Variants in QSER1 observed in about 807,000 individuals in gnomAD.
QSER1 encodes glutamine and serine-rich protein 1.
QSER1 carries 49 observed loss-of-function variants against 158.5 expected under a neutral mutation model. The ratio of observed to expected loss-of-function variants is 0.31; its 90% CI spans 0.25 to 0.39. The LOEUF (loss-of-function observed/expected upper bound fraction) is 0.39, where lower values mean the gene tolerates loss of function less well. Among genes scored for constraint, QSER1 ranks in the 10% least tolerant of loss-of-function variants. The probability of loss-of-function intolerance (pLI) is 1.00; values close to 1 mark genes in which losing one functional copy is unlikely to be tolerated. For missense variants in QSER1, 1,754 were observed against 2,010.3 expected (o/e 0.87, Z 2.44); for synonymous variants, 650 against 715.5 (o/e 0.91, Z 1.46).
intron 9 of QSER1, among the ~76,000 whole-genome samples, chr11:32,968,411 ACTTTT>A (rs1852788517): frequency 6.6e-6 from 1 of 152,240 alleles, no homozygotes; most frequent in South Asian, 2.1e-4. Context: ...TTCTAAAAGT[ACTTTT>A]CTTAATGGAG....
intron 1 of QSER1, among the ~76,000 whole-genome samples, chr11:32,895,639 T>C (rs1851544952): frequency 6.6e-6 from 1 of 152,248 alleles, no homozygotes; most frequent in Non-Finnish European, 1.5e-5. Flanking sequence ...CTAGTTGTGA[T>C]GATGTAATAT....
intron 4 of QSER1, among the ~76,000 whole-genome samples, chr11:32,938,977 T>C (rs755744431): frequency 1.2e-4 from 18 of 152,172 alleles, no homozygotes; most frequent in Non-Finnish European, 1.8e-4. Flanking sequence ...CCATCCCTAG[T>C]TTTGAATCCT....
At chr11:32,916,894 C>G (rs528146753) in intron 1 of QSER1, among the ~76,000 whole-genome samples, 1 of 152,006 alleles carries the variant, frequency 6.6e-6, no homozygotes, top group African/African-American at 2.4e-5. Context: ...TCAAGCGATT[C>G]TCCTGCCTCA....
rs888773283 is a variant in QSER1, at chr11:32,933,362, C to G, written c.2104C>G (p.Gln702Glu). The G allele has an allele frequency of 1.2e-6, 2 of 1,613,096 alleles. No individual in the cohort carries two copies. Among genetic ancestry groups the G allele is most frequent in the Non-Finnish European group, 1.7e-6 (2 of 1,179,710 alleles). Reference sequence around the variant, plus strand: ...TCCAATGCAAGAGTTACAGGTGTTGCAGCCACAAGCATCTCTTGAGTCATC... The same window carrying G: ...TCCAATGCAAGAGTTACAGGTGTTGGAGCCACAAGCATCTCTTGAGTCATC... ...GFPMQELQVL[Q>E]PQASLESSTQ... The change falls in exon 4 of 13, where the codon CAG becomes GAG. Residue 702 changes from glutamine (Q) to glutamate (E), a missense_variant. By Grantham distance (29) the Gln-to-Glu change is conservative. This residue lies in a region of QSER1 where 1,707 missense variants were observed against 1,919.6 expected (regional missense o/e 0.89). Transcript: ENST00000650167.
chr11:32,968,274 T>G (rs1852785716), intron 9 of QSER1, among the ~76,000 whole-genome samples: 1 of 152,170 alleles, frequency 6.6e-6, no homozygotes. Flanking sequence ...GATTCTGGGT[T>G]GTTGTTTTTT....
intron 1 of QSER1, among the ~76,000 whole-genome samples, chr11:32,918,058 T>C (rs1400724944): frequency 6.6e-6 from 1 of 152,166 alleles, no homozygotes; most frequent in African/African-American, 2.4e-5. Flanking sequence ...CATTTTTGAA[T>C]CCCTAGTCCT....
At chr11:32,950,875 A>T (rs1590176344) in intron 4 of QSER1, among the ~76,000 whole-genome samples, 1 of 152,250 alleles carries the variant, frequency 6.6e-6, no homozygotes, top group African/African-American at 2.4e-5. Context: ...ATTCCCTAAT[A>T]ATATGGATAT....
intron 1 of QSER1, among the ~76,000 whole-genome samples, chr11:32,921,452 A>G (rs77924647): frequency 0.019 from 2,836 of 152,334 alleles, 45 homozygotes; most frequent in South Asian, 0.039. Context: ...TGAATATTCT[A>G]AAAACCACTG....
Position 32,934,617 on chromosome 11 carries a change from G to A in QSER1, c.3359G>A (p.Ser1120Asn), listed in dbSNP as rs1173262246. 1.2e-6 allele frequency: 2 copies of A among 1,613,648 alleles called. No homozygotes were observed. Among genetic ancestry groups the A allele is most frequent in the Admixed American group, 1.7e-5 (1 of 59,964 alleles). The part of the protein sequence containing the change: ...SATNLESEED[S>N]EAPVDSTLNN... Reference sequence around the variant, plus strand: ...ACCAATCTTGAATCTGAAGAAGACAGTGAAGCTCCTGTTGATAGTACATTA... The same window carrying A: ...ACCAATCTTGAATCTGAAGAAGACAATGAAGCTCCTGTTGATAGTACATTA... The change falls in exon 4 of 13, where the codon AGT becomes AAT. Residue 1120 changes from serine (S) to asparagine (N), a missense_variant. Physicochemically the swap from Ser to Asn is conservative, Grantham distance 46. Coordinates refer to ENST00000650167, the MANE Select transcript of QSER1 (RefSeq NM_001076786.3).
intron 8 of QSER1, among the ~76,000 whole-genome samples, chr11:32,965,530 A>G (rs914661399): frequency 1.8e-4 from 28 of 152,196 alleles, no homozygotes; most frequent in Admixed American, 1.4e-3. Flanking sequence ...TTTCTTTACT[A>G]CTAAACAGAG....
chr11:32,957,641 A>C (rs980608808), intron 7 of QSER1, among the ~76,000 whole-genome samples: 2 of 152,204 alleles, frequency 1.3e-5, no homozygotes, highest in African/African-American at 4.8e-5. Flanking sequence ...ACTGAACTAA[A>C]AGTCCCTTAA....
At chr11:32,897,166 C>G (rs1460131070) in intron 1 of QSER1, among the ~76,000 whole-genome samples, 1 of 152,024 alleles carries the variant, frequency 6.6e-6, no homozygotes, top group Non-Finnish European at 1.5e-5. Context: ...TTATAAAAAT[C>G]CTTTGAGGTA....
chr11:32,926,690 T>G (rs190941736), intron 1 of QSER1: 172 of 152,330 alleles, frequency 1.1e-3, no homozygotes, highest in African/African-American at 4.0e-3. Context: ...GTATTAATTA[T>G]TTATTTGAAT....
chr11:32,926,660 CAGTG>C (rs777405204), intron 1 of QSER1: 29 of 152,128 alleles, frequency 1.9e-4, no homozygotes, highest in South Asian at 6.2e-4. Flanking sequence ...GAAGTTTTCT[CAGTG>C]AGTTATTGGG....
At chr11:32,942,051 T>C (rs1245609095) in intron 4 of QSER1, among the ~76,000 whole-genome samples, 2 of 148,332 alleles carry the variant, frequency 1.3e-5, no homozygotes, top group Admixed American at 6.7e-5. Flanking sequence ...TGTCTGTTCA[T>C]GTCCTTCGCC....
intron 1 of QSER1, among the ~76,000 whole-genome samples, chr11:32,904,393 T>C (rs893221167): frequency 6.6e-6 from 1 of 152,060 alleles, no homozygotes; most frequent in African/African-American, 2.4e-5. Context: ...GGTTTCACCA[T>C]GCTGGCCAGG....
intron 1 of QSER1, among the ~76,000 whole-genome samples, chr11:32,916,719 A>T (rs1851835138): frequency 6.6e-6 from 1 of 152,144 alleles, no homozygotes; most frequent in Non-Finnish European, 1.5e-5. Flanking sequence ...CAGTAAAAAT[A>T]AGGTATTGTA....
chr11:32,955,844 C>T (rs1467216363), intron 6 of QSER1, 144 bp from the exon 7 acceptor site: 1 of 643,148 alleles, frequency 1.6e-6, no homozygotes, highest in Non-Finnish European at 2.7e-6. Context: ...AGCCTGGGAT[C>T]AGTTTTTGAG....
chr11:32,956,823 T>C (rs1490800622), intron 7 of QSER1, among the ~76,000 whole-genome samples: 1 of 152,224 alleles, frequency 6.6e-6, no homozygotes, highest in Admixed American at 6.5e-5. Context: ...TCACTAAGGC[T>C]GCAGTGTAGT....
Sources: allele counts gnomAD v4.1 joint callset (sites outside exome capture counted in the v4.1 genomes callset), GRCh38; gene constraint gnomAD v4.1.1; regional missense constraint gnomAD v4.1.1; transcripts MANE v1.5; gene names NCBI Gene and HGNC (gene_info 2026-07-23, HGNC 2026-07-21).